The following ZSCAN30 variants were observed in gnomAD, a reference collection of about 807,000 sequenced individuals.
The protein encoded by ZSCAN30 is zinc finger and SCAN domain containing 30.
Under a neutral mutation model 44.3 loss-of-function variants are expected in ZSCAN30, and 37 were observed. That is an observed-to-expected ratio of 0.84 (90% CI 0.64 to 1.10). The LOEUF is 1.10. Ranked by LOEUF, ZSCAN30 falls within the 50% of genes least tolerant of loss-of-function variation. The probability of loss-of-function intolerance (pLI) is 0.00; values close to 1 mark genes in which losing one functional copy is unlikely to be tolerated. For synonymous variants in ZSCAN30, 181 were observed against 204.6 expected (o/e 0.88, Z 0.98); for missense variants, 549 against 582.6 (o/e 0.94, Z 0.59).
chr18:35,270,785 A>G (rs930760620), intron 1 of ZSCAN30, among the ~76,000 whole-genome samples: 2 of 152,222 alleles, frequency 1.3e-5, no homozygotes, highest in Admixed American at 1.3e-4. Context: ...TCAAGAATAA[A>G]GCCGCGGACC....
At chr18:35,271,100 A>C (rs1259942826) in intron 1 of ZSCAN30, among the ~76,000 whole-genome samples, 1 of 152,222 alleles carries the variant, frequency 6.6e-6, no homozygotes, top group Non-Finnish European at 1.5e-5. Context: ...GCAGACCCAA[A>C]GAGTGAACAG....
At chr18:35,271,040 G>A (rs2044261911) in intron 1 of ZSCAN30, among the ~76,000 whole-genome samples, 1 of 152,182 alleles carries the variant, frequency 6.6e-6, no homozygotes, top group Non-Finnish European at 1.5e-5. Flanking sequence ...CTAGCCTCAG[G>A]AGTGAAACTG....
intron 1 of ZSCAN30, chr18:35,283,508 C>T (rs2044497071): frequency 6.6e-6 from 1 of 152,356 alleles, no homozygotes; most frequent in African/African-American, 2.4e-5. Context: ...GTATCTCGCC[C>T]CTGCCAAGGG....
intron 1 of ZSCAN30, chr18:35,266,620 A>G (rs183018858): frequency 4.4e-4 from 66 of 150,386 alleles, no homozygotes; most frequent in Admixed American, 4.4e-3. Context: ...TTTTTCATAC[A>G]TATCTAAACA....
chr18:35,265,297 C>T (rs1223028012), intron 1 of ZSCAN30, among the ~76,000 whole-genome samples: 1 of 152,198 alleles, frequency 6.6e-6, no homozygotes, highest in Non-Finnish European at 1.5e-5. Context: ...AGGGAACTCA[C>T]ACTTAATAAA....
At chr18:35,261,705 G>A (rs1227627554) in intron 3 of ZSCAN30, 1 of 152,126 alleles carries the variant, frequency 6.6e-6, no homozygotes, top group African/African-American at 2.4e-5. Context: ...AGGAATCTCT[G>A]TATATAGGAA....
Position 35,254,298 on chromosome 18 carries a change from C to T in ZSCAN30, c.637G>A (p.Gly213Arg), listed in dbSNP as rs1483028198. 3 of 1,613,950 alleles carry T rather than the reference C, an allele frequency of 1.9e-6. No individual in the cohort carries two copies. Among genetic ancestry groups the T allele is most frequent in the Non-Finnish European group, 2.5e-6 (3 of 1,179,960 alleles). ...GAATGTGTTTCTCCAGGAAGTTTTCCCGGCGATATCATAGCTGCTGAGGCT... is the reference window on the plus strand; with the variant it reads ...GAATGTGTTTCTCCAGGAAGTTTTCTCGGCGATATCATAGCTGCTGAGGCT... ...CVASAAMISPGKLPGETHSQR... is the reference protein window; with the variant it reads ...CVASAAMISPRKLPGETHSQR... The change falls in exon 4 of 4, where the codon GGA (glycine) becomes AGA (arginine). Residue 213 changes from glycine (G) to arginine (R), a missense_variant. Coordinates refer to ENST00000333206, the MANE Select transcript of ZSCAN30 (RefSeq NM_001112734.4).
At chr18:35,260,054 CTCTGTT>C (rs2043989702) in intron 3 of ZSCAN30, 1 of 152,220 alleles carries the variant, frequency 6.6e-6, no homozygotes, top group Non-Finnish European at 1.5e-5. Flanking sequence ...TTGTTCCTCT[CTCTGTT>C]TCTATGTGTT....
At chr18:35,272,314 G>T (rs2044296808) in intron 1 of ZSCAN30, among the ~76,000 whole-genome samples, 1 of 150,918 alleles carries the variant, frequency 6.6e-6, no homozygotes, top group South Asian at 2.1e-4. Context: ...ACAGGTGTGA[G>T]CCACCGTGCC....
chr18:35,263,781 G>A (rs1277721821), intron 2 of ZSCAN30, 124 bp from the exon 3 acceptor site: 2 of 1,381,936 alleles, frequency 1.4e-6, no homozygotes, highest in Non-Finnish European at 2.0e-6. Context: ...AAAAAAACAG[G>A]ACCTTAAGAG....
rs771999866 is a variant in ZSCAN30, at chr18:35,254,064, GT to G, written c.870del (p.Gln291AsnfsTer26). The G allele has an allele frequency of 1.2e-6, 2 of 1,614,110 alleles. No individual in the cohort carries two copies. Among genetic ancestry groups the G allele is most frequent in the South Asian group, 1.1e-5 (1 of 91,086 alleles). ...GSFSMNSNDI[T>X]QQSVDTREKL... Reference sequence around the variant, plus strand: ...TTTTCCCTAGTGTCAACGCTCTGTTGTGTAATATCATTTGAATTCATACTGA... The same window carrying G: ...TTTTCCCTAGTGTCAACGCTCTGTTGGTAATATCATTTGAATTCATACTGA... On this transcript the variant is annotated frameshift_variant, in exon 4 of 4. Coordinates refer to ENST00000333206, the MANE Select transcript of ZSCAN30 (RefSeq NM_001112734.4). LOFTEE classifies it high-confidence loss of function.
intron 1 of ZSCAN30, among the ~76,000 whole-genome samples, chr18:35,287,571 T>C (rs1477088935): frequency 1.7e-5 from 1 of 57,560 alleles, no homozygotes; most frequent in East Asian, 3.8e-4. Flanking sequence ...AATATCCACA[T>C]ACCAAAAAAA....
intron 1 of ZSCAN30, among the ~76,000 whole-genome samples, chr18:35,271,217 G>GC (rs1196756385): frequency 1.4e-4 from 22 of 152,050 alleles, no homozygotes; most frequent in Admixed American, 1.4e-3. Context: ...CCCTTATCTG[G>GC]CCCCACCCAC....
chr18:35,253,486 G>T lies in ZSCAN30; in HGVS notation c.1449C>A (p.Gly483=), dbSNP rs745950472. ...ECRKTFRHRS[G]LMQHQRTHTR... ...TGTGTGTTCTCTGATGCTGCATAAG[G>T]CCTGACCTATGCCTAAATGTTTTTC... Residue 483 remains glycine (G), a synonymous_variant, in exon 4 of 4, where the codon GGC becomes GGA. Transcript: ENST00000333206. 1.9e-6 allele frequency: 3 copies of T among 1,603,438 alleles called. No individual in the cohort carries two copies. The highest frequency in any genetic ancestry group is 1.3e-5 in the African/African-American group (1 of 74,776).
At chr18:35,258,199 G>A (rs1295941880) in intron 3 of ZSCAN30, 1 of 547,250 alleles carries the variant, frequency 1.8e-6, no homozygotes, top group East Asian at 3.1e-5. Context: ...AAAGAGACTA[G>A]CATAAGGAGA....
chr18:35,266,658 T>A (rs1279852860), intron 1 of ZSCAN30: 95 of 17,622 alleles, frequency 5.4e-3, no homozygotes, highest in African/African-American at 0.041. Context: ...TTTCTCCTAA[T>A]TTTTTTTTTT....
At chr18:35,275,390 C>T (rs1482348327) in intron 1 of ZSCAN30, among the ~76,000 whole-genome samples, 4 of 152,166 alleles carry the variant, frequency 2.6e-5, no homozygotes, top group Admixed American at 1.3e-4. Context: ...CACCTTTGCA[C>T]GAAGTTTATT....
At chr18:35,288,152 G>A (rs571502739) in intron 1 of ZSCAN30, among the ~76,000 whole-genome samples, 12 of 152,296 alleles carry the variant, frequency 7.9e-5, no homozygotes, top group Non-Finnish European at 1.2e-4. Context: ...GGAATTACAC[G>A]CTTGGGCCAT....
intron 3 of ZSCAN30, chr18:35,255,096 TA>T (rs2043753017): frequency 6.6e-6 from 1 of 151,918 alleles, no homozygotes; most frequent in Non-Finnish European, 1.5e-5. Context: ...TTAAAATGTA[TA>T]AGTATCAAAG....
Sources: allele counts gnomAD v4.1 joint callset (sites outside exome capture counted in the v4.1 genomes callset), GRCh38; gene constraint gnomAD v4.1.1; transcripts MANE v1.5; gene names NCBI Gene and HGNC (gene_info 2026-07-23, HGNC 2026-07-21).